USP34: variants seen among roughly 807,000 people sequenced by gnomAD.
USP34 encodes the protein ubiquitin specific peptidase 34.
In USP34, 70 loss-of-function variants were observed where a neutral mutation model predicts 460.3. The observed-to-expected ratio is 0.15, with a 90% CI of 0.13 to 0.19. The LOEUF is 0.19. Ranked by LOEUF, USP34 falls within the 10% of genes least tolerant of loss-of-function variation. The pLI is 1.00. For synonymous variants in USP34, 1,647 were observed against 1,405.3 expected (o/e 1.17, Z -3.85); for missense variants, 3,985 against 4,236.2 (o/e 0.94, Z 1.65).
chr2:61,264,790 G>A (rs962648178), intron 43 of USP34, among the ~76,000 whole-genome samples: 7 of 151,936 alleles, frequency 4.6e-5, no homozygotes, highest in Non-Finnish European at 1.0e-4. Context: ...TTGGGAAGCT[G>A]AAATGGGAGG....
At position 61,265,448 on chromosome 2, in the gene USP34, A is replaced by C; in HGVS notation, c.5727T>G (p.Ile1909Met). The change falls in exon 43 of 80, where the codon ATT becomes ATG. Residue 1909 changes from isoleucine to methionine, a missense_variant. Transcript: ENST00000398571. ...LGATCYLAST[I>M]QQLYMIPEAR... Reference sequence around the variant, plus strand: ...CCTCAGGTATCATATAAAGTTGCTGAATAGTAGAAGCTAAGTAACAAGTAG... The same window carrying C: ...CCTCAGGTATCATATAAAGTTGCTGCATAGTAGAAGCTAAGTAACAAGTAG... 1.2e-6 allele frequency: 2 copies of C among 1,613,498 alleles called. No homozygotes were observed. The highest frequency in any genetic ancestry group is 1.7e-6 in the Non-Finnish European group (2 of 1,179,856).
At chr2:61,356,759 A>G (rs1428370710) in intron 10 of USP34, among the ~76,000 whole-genome samples, 2 of 152,200 alleles carry the variant, frequency 1.3e-5, no homozygotes, top group Non-Finnish European at 2.9e-5. Context: ...ACAGAGTTTC[A>G]GTTTTGCAAT....
At chr2:61,396,786 TC>T (rs1693544233) in intron 3 of USP34, among the ~76,000 whole-genome samples, 2 of 151,988 alleles carry the variant, frequency 1.3e-5, no homozygotes, top group African/African-American at 4.8e-5. Context: ...CCTCGCCCAG[TC>T]CTAACTCTTA....
At position 61,347,907 on chromosome 2, in the gene USP34, G is replaced by A. The variant is rs371881295; in HGVS notation, c.2248C>T (p.His750Tyr). 6.2e-7 allele frequency: 1 copy of A among 1,613,766 alleles called. No individual in the cohort carries two copies. The highest frequency in any genetic ancestry group is 8.5e-7 in the Non-Finnish European group (1 of 1,179,926). Residue 750 changes from histidine (H) to tyrosine (Y), a missense_variant, in exon 15 of 80, where the codon CAC becomes TAC. Coordinates refer to ENST00000398571, the MANE Select transcript of USP34 (RefSeq NM_014709.4). ...NCRQFIGPQH[H>Y]HHHHHHHHHH... ...TGGTGATGGTGGTGGTGGTGGTGGT[G>A]ATGCTGTGGACCAATAAATTGTCGA...
chr2:61,200,671 A>C (rs1269905782), intron 75 of USP34: 2 of 152,284 alleles, frequency 1.3e-5, no homozygotes, highest in African/African-American at 4.8e-5. Context: ...CAACGTTCAA[A>C]TGATTAAAGA....
intron 5 of USP34, among the ~76,000 whole-genome samples, chr2:61,384,688 A>T (rs1409288827): frequency 1.3e-5 from 2 of 152,134 alleles, no homozygotes; most frequent in Non-Finnish European, 2.9e-5. Context: ...AAAAAAAATT[A>T]AAAAATAAAA....
chr2:61,277,516 C>T (rs1300458826), intron 41 of USP34, among the ~76,000 whole-genome samples: 3 of 152,180 alleles, frequency 2.0e-5, no homozygotes, highest in African/African-American at 7.2e-5. Flanking sequence ...GGACTATAGG[C>T]ACGAGCCACC....
intron 1 of USP34, among the ~76,000 whole-genome samples, chr2:61,423,356 C>T (rs538699019): frequency 1.3e-5 from 2 of 152,120 alleles, no homozygotes; most frequent in South Asian, 4.2e-4. Context: ...AAGTGATATG[C>T]CCGCCTCAGC....
At chr2:61,318,460 AGTGATT>A (rs1690818938) in intron 22 of USP34, among the ~76,000 whole-genome samples, 1 of 152,194 alleles carries the variant, frequency 6.6e-6, no homozygotes, top group South Asian at 2.1e-4. Flanking sequence ...GGGTCTGTTA[AGTGATT>A]TAGTTTATAC....
At chr2:61,428,878 G>C (rs1446070224) in intron 1 of USP34, among the ~76,000 whole-genome samples, 2 of 152,080 alleles carry the variant, frequency 1.3e-5, no homozygotes, top group East Asian at 3.9e-4. Context: ...AGATATCAAT[G>C]GCTACAAACT....
intron 41 of USP34, among the ~76,000 whole-genome samples, chr2:61,269,976 A>G (rs1433171748): frequency 6.6e-6 from 1 of 152,224 alleles, no homozygotes; most frequent in Non-Finnish European, 1.5e-5. Context: ...TTTTAACAAT[A>G]GTCATCCTAC....
intron 1 of USP34, among the ~76,000 whole-genome samples, chr2:61,466,281 C>T (rs1055309586): frequency 6.6e-6 from 1 of 152,032 alleles, no homozygotes. Context: ...AAAAATTAGC[C>T]GGGCTTGGTG....
chr2:61,419,171 A>G (rs1694286585), intron 2 of USP34, among the ~76,000 whole-genome samples: 1 of 151,926 alleles, frequency 6.6e-6, no homozygotes, highest in East Asian at 1.9e-4. Flanking sequence ...ATCCATGTCT[A>G]TCTAGATCCA....
At chr2:61,199,508 G>A (rs1277475152) in intron 75 of USP34, among the ~76,000 whole-genome samples, 2 of 152,076 alleles carry the variant, frequency 1.3e-5, no homozygotes, top group African/African-American at 2.4e-5. Context: ...CACCCACCTC[G>A]GCCTCCCAAA....
chr2:61,428,261 T>C (rs1476541589), intron 1 of USP34, among the ~76,000 whole-genome samples: 1 of 142,160 alleles, frequency 7.0e-6, no homozygotes, highest in African/African-American at 2.6e-5. Context: ...AAAAAAAAAG[T>C]GATCACCTTT....
chr2:61,420,650 T>C (rs1180179004), intron 2 of USP34, 96 bp downstream of exon 2: 2 of 760,644 alleles, frequency 2.6e-6, no homozygotes, highest in Non-Finnish European at 4.2e-6. Context: ...TAATGGTATC[T>C]AACCCAACAC....
intron 58 of USP34, among the ~76,000 whole-genome samples, chr2:61,231,828 T>C (rs911771125): frequency 1.3e-5 from 2 of 149,792 alleles, no homozygotes; most frequent in East Asian, 1.9e-4. Flanking sequence ...TATATATACA[T>C]ATATATGTAT....
intron 1 of USP34, among the ~76,000 whole-genome samples, chr2:61,425,799 G>A (rs1694493556): frequency 6.6e-6 from 1 of 151,994 alleles, no homozygotes; most frequent in Admixed American, 6.6e-5. Context: ...CACCAGGCGG[G>A]GCAGCCAATG....
chr2:61,215,082 A>G (rs1321049156), intron 67 of USP34, among the ~76,000 whole-genome samples: 1 of 152,224 alleles, frequency 6.6e-6, no homozygotes, highest in African/African-American at 2.4e-5. Flanking sequence ...AAATCATTCA[A>G]TGTTCTACAG....
Sources: allele counts gnomAD v4.1 joint callset (sites outside exome capture counted in the v4.1 genomes callset), GRCh38; gene constraint gnomAD v4.1.1; transcripts MANE v1.5; gene names NCBI Gene and HGNC (gene_info 2026-07-23, HGNC 2026-07-21).